Variants in RPS6KA2 observed in about 807,000 individuals in gnomAD.
RPS6KA2 encodes the protein ribosomal protein S6 kinase alpha-2.
Under a neutral mutation model 91.8 loss-of-function variants are expected in RPS6KA2, and 42 were observed. That is an observed-to-expected ratio of 0.46 (90% CI 0.36 to 0.59). The LOEUF (loss-of-function observed/expected upper bound fraction) is 0.59, where lower values mean the gene tolerates loss of function less well. Ranked by LOEUF, RPS6KA2 falls within the 20% of genes least tolerant of loss-of-function variation. RPS6KA2 has a pLI of 0.00. For synonymous variants in RPS6KA2, 414 were observed against 393.6 expected, an observed-to-expected ratio of 1.05 and a Z score of -0.61; for missense variants, 798 against 978.5, an observed-to-expected ratio of 0.82 and a Z score of 2.46.
rs926424430 is a variant in RPS6KA2, at chr6:166,506,133, C to T, written c.460-1521G>A. Among the ~76,000 whole-genome samples the T allele has an allele frequency of 1.4e-4, 22 of 152,126 alleles. No individual in the cohort carries two copies. The East Asian group carries it at 2.3e-3, about 16-fold the overall frequency. On this transcript the variant is annotated intron_variant, in intron 5 of 20. Coordinates refer to ENST00000265678, the MANE Select transcript of RPS6KA2 (RefSeq NM_021135.6). ...CCCAAGGTGAGTTCTGCAGGTTCGCCGGCACAGCGACGGTCCCCATAAGAT... is the reference window on the plus strand; with the variant it reads ...CCCAAGGTGAGTTCTGCAGGTTCGCTGGCACAGCGACGGTCCCCATAAGAT...
intron 11 of RPS6KA2, among the ~76,000 whole-genome samples, chr6:166,466,898 C>CCTCA (rs1554277335): frequency 0.19 from 29,205 of 150,108 alleles, 2,984 homozygotes; most frequent in Admixed American, 0.29. Context: ...TCACTCACTC[C>CCTCA]CTCATTCACT....
chr6:166,529,312 A>G (rs1468004358), intron 3 of RPS6KA2, among the ~76,000 whole-genome samples: 1 of 152,204 alleles, frequency 6.6e-6, no homozygotes, highest in Non-Finnish European at 1.5e-5. Context: ...TGAGCAAACT[A>G]TTGCAAGGAC....
rs1243564826 is a variant in RPS6KA2, at chr6:166,493,402, T to G, written c.748-2661A>C. On this transcript the variant is annotated intron_variant, in intron 8 of 20. Coordinates refer to ENST00000265678, the MANE Select transcript of RPS6KA2 (RefSeq NM_021135.6). This position sits in a 1 kb window ranked among gnomAD's most constrained non-coding sequence, Gnocchi z 4.7. ...TTTCCAGTGCCGAAGCATTACTGAC[T>G]GAGGTTTTGCTGATGAGTTTCTTGG... 6.6e-6 allele frequency among the ~76,000 whole-genome samples: 1 copy of G among 152,074 alleles called. No homozygotes were observed. The highest frequency in any genetic ancestry group is 2.4e-5 in the African/African-American group (1 of 41,388).
intron 11 of RPS6KA2, among the ~76,000 whole-genome samples, chr6:166,464,605 C>T (rs1780451866): frequency 6.6e-6 from 1 of 152,172 alleles, no homozygotes; most frequent in Non-Finnish European, 1.5e-5. Flanking sequence ...GGCTGGGAGC[C>T]GTCCTCAGAC....
intron 4 of RPS6KA2, among the ~76,000 whole-genome samples, 195 bp downstream of exon 4, chr6:166,510,082 G>T (rs1782408595): frequency 6.6e-6 from 1 of 152,132 alleles, no homozygotes; most frequent in African/African-American, 2.4e-5. Context: ...AGGGCTTCTT[G>T]CTCTTTCAAA....
At position 166,603,153 on chromosome 6, in the gene RPS6KA2, C is replaced by CG. The variant is rs1332075352; in HGVS notation, c.99+23767dup. Reference sequence around the variant, plus strand: ...GAGCTTAGTCTAAAAGGGATCTGGGCGGGATATCAAGAACCAAACATCACA... The same window carrying CG: ...GAGCTTAGTCTAAAAGGGATCTGGGCGGGGATATCAAGAACCAAACATCACA... On this transcript the variant is annotated intron_variant, in intron 1 of 20. Transcript: ENST00000265678. The surrounding 1 kb of genome is among the most constrained non-coding windows in gnomAD (Gnocchi z 4.3). 6.6e-6 allele frequency among the ~76,000 whole-genome samples: 1 copy of CG among 152,162 alleles called. No homozygotes were observed. Among genetic ancestry groups the CG allele is most frequent in the African/African-American group, 2.4e-5 (1 of 41,430 alleles).
intron 2 of RPS6KA2, among the ~76,000 whole-genome samples, chr6:166,660,390 A>ATGCG (rs57825632): frequency 1.2e-5 from 1 of 85,702 alleles, no homozygotes; most frequent in African/African-American, 3.8e-5. Flanking sequence ...GTGTATGGGC[A>ATGCG]TGCGTGCGTG....
At chr6:166,565,714 TG>T (rs1259691074) in intron 1 of RPS6KA2, among the ~76,000 whole-genome samples, 1 of 152,202 alleles carries the variant, frequency 6.6e-6, no homozygotes, top group Non-Finnish European at 1.5e-5. Flanking sequence ...AGCCTGATAC[TG>T]GACAGAGCCT....
intron 2 of RPS6KA2, among the ~76,000 whole-genome samples, chr6:166,692,956 T>A (rs1789252735): frequency 6.6e-6 from 1 of 152,038 alleles, no homozygotes. Flanking sequence ...TCCACGGGAG[T>A]ATGTAAACAT....
chr6:166,697,043 G>C (rs1789379181), intron 2 of RPS6KA2, among the ~76,000 whole-genome samples: 2 of 147,320 alleles, frequency 1.4e-5, no homozygotes, highest in Admixed American at 1.4e-4. Context: ...AATAAAATCT[G>C]TGTGTGTATA....
At chr6:166,694,728 G>A (rs1419917047) in intron 2 of RPS6KA2, among the ~76,000 whole-genome samples, 1 of 152,220 alleles carries the variant, frequency 6.6e-6, no homozygotes, top group African/African-American at 2.4e-5. Context: ...CGAATCTACT[G>A]TTGTTGGTGG....
chr6:166,799,605 TTA>T (rs551301639), intron 2 of RPS6KA2, among the ~76,000 whole-genome samples: 25,042 of 104,524 alleles, frequency 0.24, 2,232 homozygotes, highest in African/African-American at 0.29. Flanking sequence ...TTTTTTTTTT[TTA>T]AAAGGATGAG....
chr6:166,565,224 C>T (rs57559140), intron 1 of RPS6KA2, among the ~76,000 whole-genome samples: 7,680 of 152,268 alleles, frequency 0.05, 660 homozygotes, highest in African/African-American at 0.18. Flanking sequence ...TTTAAGTCAC[C>T]GCCAATTCCA....
chr6:166,786,610 A>G (rs1323021731), intron 2 of RPS6KA2, among the ~76,000 whole-genome samples: 1 of 152,194 alleles, frequency 6.6e-6, no homozygotes, highest in Non-Finnish European at 1.5e-5. Flanking sequence ...AGGTTAATAG[A>G]TATTGCCATT....
At chr6:166,610,333 A>G in intron 1 of RPS6KA2, among the ~76,000 whole-genome samples, 1 of 152,226 alleles carries the variant, frequency 6.6e-6, no homozygotes. Context: ...CCACCAACAT[A>G]GGCCTTGGCA....
chr6:166,549,306 G>A (rs933395107), intron 1 of RPS6KA2, among the ~76,000 whole-genome samples: 5 of 152,158 alleles, frequency 3.3e-5, no homozygotes, highest in Non-Finnish European at 5.9e-5. Context: ...GTATTCCAGG[G>A]CATTTATCTC....
intron 14 of RPS6KA2, among the ~76,000 whole-genome samples, chr6:166,438,908 C>T (rs941271134): frequency 4.6e-5 from 7 of 152,226 alleles, no homozygotes; most frequent in East Asian, 1.9e-4. Context: ...GCAGTAAAAG[C>T]GTCCAATTAA....
intron 2 of RPS6KA2, among the ~76,000 whole-genome samples, chr6:166,799,968 C>T (rs1779322521): frequency 6.6e-6 from 1 of 152,168 alleles, no homozygotes; most frequent in Admixed American, 6.5e-5. Flanking sequence ...AGGAGATGCG[C>T]TAAGCACAGG....
In RPS6KA2 at chr6:166,541,178, C is replaced by T. The variant is rs536248201; in HGVS notation, c.100-2394G>A. ...AAAGGAATCACCACCAAAGCACACC[C>T]TTCTGTGACTTCATTTTGGTAACGA... is the stretch of plus-strand genomic sequence containing the variant. On this transcript the variant is annotated intron_variant, in intron 1 of 20. Transcript: ENST00000265678. 3.9e-5 allele frequency among the ~76,000 whole-genome samples: 6 copies of T among 152,314 alleles called. No individual in the cohort carries two copies. The South Asian group carries it at 1.0e-3, about 26-fold the overall frequency.
Sources: gnomAD v4.1 joint callset for allele counts (sites outside exome capture counted in the v4.1 genomes callset) on GRCh38, gnomAD v4.1.1 for gene constraint, Gnocchi (gnomAD v3.1) non-coding constraint, MANE v1.5 for transcripts, NCBI Gene and HGNC (gene_info 2026-07-23, HGNC 2026-07-21) for gene names.